The following RALGPS1 variants were observed in gnomAD, a reference collection of about 807,000 sequenced individuals.
RALGPS1 encodes ras-specific guanine nucleotide-releasing factor RalGPS1.
In RALGPS1, 19 loss-of-function variants were observed where a neutral mutation model predicts 78.8. The ratio of observed to expected loss-of-function variants is 0.24; its 90% CI spans 0.17 to 0.35. The LOEUF is 0.35. Ranked by LOEUF, RALGPS1 falls within the 10% of genes least tolerant of loss-of-function variation. The probability of loss-of-function intolerance (pLI) is 1.00; values close to 1 mark genes in which losing one functional copy is unlikely to be tolerated. For synonymous variants in RALGPS1, 228 were observed against 256.3 expected, an observed-to-expected ratio of 0.89 and a Z score of 1.06; for missense variants, 454 against 688.3, an observed-to-expected ratio of 0.66 and a Z score of 3.81.
chr9:127,029,709 G>A (rs961482782), intron 4 of RALGPS1, among the ~76,000 whole-genome samples: 2 of 152,204 alleles, frequency 1.3e-5, no homozygotes, highest in African/African-American at 4.8e-5. Flanking sequence ...TGGCCCGATG[G>A]CCTAGATGCC....
intron 3 of RALGPS1, among the ~76,000 whole-genome samples, chr9:126,974,152 G>A (rs2040384861): frequency 6.6e-6 from 1 of 152,180 alleles, no homozygotes; most frequent in South Asian, 2.1e-4. Flanking sequence ...ATGATTACAG[G>A]CATGAACCAC....
chr9:126,953,953 C>G (rs972038521), intron 1 of RALGPS1, among the ~76,000 whole-genome samples: 32 of 152,218 alleles, frequency 2.1e-4, no homozygotes, highest in Admixed American at 6.5e-5. Context: ...ACCTGCCACT[C>G]ATGCCCCAAC....
At chr9:127,112,479 G>A (rs779920291) in intron 8 of RALGPS1, among the ~76,000 whole-genome samples, 2 of 152,266 alleles carry the variant, frequency 1.3e-5, no homozygotes, top group Non-Finnish European at 1.5e-5. Context: ...CAGAGGCCCA[G>A]GAGGCAACCT....
intron 10 of RALGPS1, among the ~76,000 whole-genome samples, chr9:127,173,739 G>A (rs1326308009): frequency 6.6e-6 from 1 of 152,198 alleles, no homozygotes; most frequent in African/African-American, 2.4e-5. Context: ...GAGGCCACGT[G>A]CGGTGGCTCA....
chr9:126,983,081 C>T (rs2041472993), intron 4 of RALGPS1, among the ~76,000 whole-genome samples: 1 of 151,530 alleles, frequency 6.6e-6, no homozygotes, highest in Non-Finnish European at 1.5e-5. Flanking sequence ...GGATTACAGG[C>T]ACCTGATACC....
intron 8 of RALGPS1, among the ~76,000 whole-genome samples, chr9:127,154,698 G>T (rs1026184660): frequency 6.6e-6 from 1 of 152,162 alleles, no homozygotes; most frequent in Non-Finnish European, 1.5e-5. Flanking sequence ...TGACAGTTTT[G>T]CATCTGCCTC....
At chr9:127,018,639 A>G (rs2045123286) in intron 4 of RALGPS1, among the ~76,000 whole-genome samples, 6 of 106,420 alleles carry the variant, frequency 5.6e-5, no homozygotes, top group Admixed American at 5.6e-4. Flanking sequence ...TCAAAAAATA[A>G]TAATGATGAT....
intron 4 of RALGPS1, among the ~76,000 whole-genome samples, chr9:126,999,162 T>TATAATAATA (rs377368618): frequency 1.3e-5 from 2 of 150,750 alleles, no homozygotes; most frequent in African/African-American, 4.9e-5. Context: ...AAACTTAAAG[T>TATAATAATA]ATAATAATAA....
chr9:127,076,335 A>G (rs1243185095), intron 8 of RALGPS1, among the ~76,000 whole-genome samples: 1 of 152,228 alleles, frequency 6.6e-6, no homozygotes, highest in Admixed American at 6.5e-5. Flanking sequence ...TTTAGAGCTG[A>G]TTCTAAAAGT....
chr9:127,145,792 G>A (rs534989600), intron 8 of RALGPS1, among the ~76,000 whole-genome samples: 1 of 152,304 alleles, frequency 6.6e-6, no homozygotes, highest in South Asian at 2.1e-4. Flanking sequence ...CCACTTACCA[G>A]GTCTGTGGCT....
chr9:126,927,562 T>G (rs1355847378), intron 1 of RALGPS1, among the ~76,000 whole-genome samples: 1 of 152,166 alleles, frequency 6.6e-6, no homozygotes, highest in Admixed American at 6.5e-5. Flanking sequence ...CCAGTCTCCC[T>G]GACAGGTTAT....
chr9:127,184,284 C>T (rs776102584), intron 11 of RALGPS1: 5 of 429,126 alleles, frequency 1.2e-5, no homozygotes, highest in East Asian at 5.0e-5. Flanking sequence ...CGCGCCACCG[C>T]GCTCCAGCTT....
Position 127,212,142 on chromosome 9 carries a change from C to G in RALGPS1, c.1259C>G (p.Pro420Arg). Residue 420 changes from proline (P) to arginine (R), a missense_variant, in exon 15 of 19, where the codon CCG (proline) becomes CGG (arginine). Physicochemically the swap from Pro to Arg is moderately radical, Grantham distance 103. Transcript: ENST00000259351. The surrounding 1 kb of genome is among the most constrained non-coding windows in gnomAD (Gnocchi z 6.0). ...MSSGLESPTG[P>R]CICSLGNSAA... is the part of the protein sequence containing the mutation. ...TAGTCTCTCCTCAGCCCCACCGGCC[C>G]GTGCATCTGTTCTCTGGGGAACTCC... 7 of 1,612,712 alleles carry G rather than the reference C, an allele frequency of 4.3e-6. No homozygotes were observed. The highest frequency in any genetic ancestry group is 5.9e-6 in the Non-Finnish European group (7 of 1,179,462).
At chr9:127,086,264 A>G (rs2051727359) in intron 8 of RALGPS1, among the ~76,000 whole-genome samples, 1 of 152,222 alleles carries the variant, frequency 6.6e-6, no homozygotes. Context: ...GCTGGGGCCC[A>G]GGGTATAAGT....
At chr9:127,012,358 C>G (rs964768419) in intron 4 of RALGPS1, among the ~76,000 whole-genome samples, 5 of 152,156 alleles carry the variant, frequency 3.3e-5, no homozygotes, top group Non-Finnish European at 7.3e-5. Context: ...AGATACTTCC[C>G]TGGGCAGCAG....
At chr9:127,148,036 A>G (rs1321573336) in intron 8 of RALGPS1, among the ~76,000 whole-genome samples, 4 of 152,258 alleles carry the variant, frequency 2.6e-5, no homozygotes, top group Non-Finnish European at 5.9e-5. Flanking sequence ...CTCAGTAGGT[A>G]TAAAACCCTG....
intron 4 of RALGPS1, among the ~76,000 whole-genome samples, chr9:127,002,532 G>A (rs1313782369): frequency 1.3e-5 from 2 of 148,592 alleles, no homozygotes; most frequent in Admixed American, 6.7e-5. Flanking sequence ...TGCCATGCTG[G>A]TGCACTGCAC....
chr9:126,992,862 C>CT (rs2042399124), intron 4 of RALGPS1, among the ~76,000 whole-genome samples: 1 of 152,122 alleles, frequency 6.6e-6, no homozygotes, highest in South Asian at 2.1e-4. Flanking sequence ...GCTATTGTTT[C>CT]TTTTTCTTGC....
At chr9:127,216,728 T>C (rs2062602449) in intron 18 of RALGPS1, among the ~76,000 whole-genome samples, 1 of 152,174 alleles carries the variant, frequency 6.6e-6, no homozygotes, top group Admixed American at 6.5e-5. Context: ...AGGTGATCCA[T>C]TGAGACAAGG....
Sources: gnomAD v4.1 joint callset for allele counts (sites outside exome capture counted in the v4.1 genomes callset) on GRCh38, gnomAD v4.1.1 for gene constraint, Gnocchi (gnomAD v3.1) non-coding constraint, MANE v1.5 for transcripts, NCBI Gene and HGNC (gene_info 2026-07-23, HGNC 2026-07-21) for gene names.